The following SULT4A1 variants were observed in gnomAD, a reference collection of about 807,000 sequenced individuals.
SULT4A1 encodes sulfotransferase family 4A member 1, also known as sulfotransferase 4A1.
A neutral mutation model predicts 35.2 loss-of-function variants in SULT4A1; 11 were observed. The observed-to-expected ratio is 0.31, with a 90% confidence interval of 0.20 to 0.52. The LOEUF is 0.52. Among genes scored for constraint, SULT4A1 ranks in the 20% least tolerant of loss-of-function variants. The probability of loss-of-function intolerance (pLI) is 0.97; values close to 1 mark genes in which losing one functional copy is unlikely to be tolerated. For synonymous variants in SULT4A1, 152 were observed against 151.8 expected (o/e 1.00, Z -0.01); for missense variants, 271 against 383.7 (o/e 0.71, Z 2.45).
At chr22:43,846,139 C>T (rs1285486460) in intron 1 of SULT4A1, among the ~76,000 whole-genome samples, 1 of 152,224 alleles carries the variant, frequency 6.6e-6, no homozygotes, top group Non-Finnish European at 1.5e-5. Flanking sequence ...CTCCCCTGAG[C>T]TCCCTCCAGC....
At chr22:43,860,972 T>G (rs946192293) in intron 1 of SULT4A1, among the ~76,000 whole-genome samples, 1 of 151,980 alleles carries the variant, frequency 6.6e-6, no homozygotes, top group African/African-American at 2.4e-5. Context: ...GAAAAAAAGG[T>G]GTAAGAGTCC....
intron 1 of SULT4A1, among the ~76,000 whole-genome samples, chr22:43,853,150 C>A (rs1292112874): frequency 6.6e-6 from 1 of 151,880 alleles, no homozygotes; most frequent in Non-Finnish European, 1.5e-5. Context: ...TCACTCCACA[C>A]ACAAACACAC....
At chr22:43,830,710 A>T (rs2063319173) in intron 5 of SULT4A1, among the ~76,000 whole-genome samples, 1 of 152,180 alleles carries the variant, frequency 6.6e-6, no homozygotes, top group Non-Finnish European at 1.5e-5. Context: ...ATGAAGTGGG[A>T]ATATACCCGG....
chr22:43,862,072 G>C (rs2049476939), intron 1 of SULT4A1, 142 bp downstream of exon 1: 1 of 319,860 alleles, frequency 3.1e-6, no homozygotes, highest in East Asian at 7.2e-5. Flanking sequence ...CCGAGCATCG[G>C]GAGAGCGGTG....
At chr22:43,859,360 A>C (rs1477089314) in intron 1 of SULT4A1, among the ~76,000 whole-genome samples, 3 of 152,264 alleles carry the variant, frequency 2.0e-5, no homozygotes, top group Admixed American at 6.5e-5. Flanking sequence ...ATCAGTGAGA[A>C]TGCGCACACA....
chr22:43,841,733 A>T (rs2063431131), intron 2 of SULT4A1, 69 bp downstream of exon 2: 2 of 1,563,434 alleles, frequency 1.3e-6, no homozygotes, highest in East Asian at 4.5e-5. Flanking sequence ...AGCAACTGTC[A>T]ATCATCAGGG....
intron 3 of SULT4A1, 63 bp from the exon 4 acceptor site, chr22:43,839,056 CACAGG>C: frequency 1.3e-6 from 2 of 1,595,230 alleles, no homozygotes; most frequent in South Asian, 2.2e-5. Flanking sequence ...GCTGCCCCGA[CACAGG>C]CCAGCCTCCC....
chr22:43,855,593 G>A (rs1435125225), intron 1 of SULT4A1, among the ~76,000 whole-genome samples: 1 of 152,110 alleles, frequency 6.6e-6, no homozygotes, highest in Non-Finnish European at 1.5e-5. Flanking sequence ...ACCTCTCAAT[G>A]GGCCCTCCAC....
chr22:43,829,429 G>A lies in SULT4A1; in HGVS notation c.604-231C>T, dbSNP rs190859037. Reference sequence around the variant, plus strand: ...TGAATTCAAACCCTGGTCCTCCAGGGAATTGGGTTGCAGACATGAGGTCTT... The same window carrying A: ...TGAATTCAAACCCTGGTCCTCCAGGAAATTGGGTTGCAGACATGAGGTCTT... On this transcript the variant is annotated intron_variant, in intron 5 of 6. Coordinates refer to ENST00000330884, the MANE Select transcript of SULT4A1 (RefSeq NM_014351.4). 7.2e-5 allele frequency among the ~76,000 whole-genome samples: 11 copies of A among 152,334 alleles called. 1 individual carries two copies. The highest frequency in any genetic ancestry group is 5.9e-4 in the Admixed American group (9 of 15,312).
chr22:43,858,049 C>CAA (rs11362056), intron 1 of SULT4A1, among the ~76,000 whole-genome samples: 14,362 of 91,364 alleles, frequency 0.16, 1,367 homozygotes, highest in African/African-American at 0.25. Flanking sequence ...GATCCTGTCT[C>CAA]AAAAAAAAAA....
Position 43,827,481 on chromosome 22 carries a change from G to C in SULT4A1, c.743-1368C>G, listed in dbSNP as rs1181640178. On this transcript the variant is annotated intron_variant, in intron 6 of 6. Transcript: ENST00000330884. Reference sequence around the variant, plus strand: ...TTCCATGATTATTTTTCTCAGCTGAGACAGCTGAGAGCTCGTCAGAGGAGT... The same window carrying C: ...TTCCATGATTATTTTTCTCAGCTGACACAGCTGAGAGCTCGTCAGAGGAGT... 4.0e-5 allele frequency: 51 copies of C among 1,281,372 alleles called. 1 individual carries two copies. In the South Asian group the frequency reaches 6.1e-4, roughly 15 times the overall value. 79.4% of individuals were successfully genotyped at this position (1,281,372 alleles called of 1,614,324 possible).
rs763559940 is a variant in SULT4A1, at chr22:43,862,224, G to A, written c.159C>T (p.Tyr53=). 3 of 1,558,888 alleles carry A rather than the reference G, an allele frequency of 1.9e-6. No individual in the cohort carries two copies. The highest frequency in any genetic ancestry group is 5.2e-5 in the East Asian group (2 of 38,758). ...CGGCGCGGGGCTCACCGGACTTGGGGTAGGTGACGATCCACACGTCGCTGG... is the reference window on the plus strand; with the variant it reads ...CGGCGCGGGGCTCACCGGACTTGGGATAGGTGACGATCCACACGTCGCTGG... ...VRPSDVWIVT[Y]PKSGTSLLQE... The change falls in exon 1 of 7, where the codon TAC becomes TAT. Residue 53 remains tyrosine (Y), a synonymous_variant. Coordinates refer to ENST00000330884, the MANE Select transcript of SULT4A1 (RefSeq NM_014351.4).
intron 4 of SULT4A1, 117 bp downstream of exon 4, chr22:43,838,750 C>A: frequency 7.0e-7 from 1 of 1,427,522 alleles, no homozygotes; most frequent in South Asian, 1.3e-5. Context: ...GCGGGCCTGA[C>A]CTACATGGTC....
intron 4 of SULT4A1, among the ~76,000 whole-genome samples, chr22:43,837,422 C>T (rs1204762437): frequency 6.6e-6 from 1 of 152,192 alleles, no homozygotes; most frequent in Non-Finnish European, 1.5e-5. Context: ...AGAGCAGAGT[C>T]CATGCTGGAC....
chr22:43,851,522 T>G (rs574672016), intron 1 of SULT4A1, among the ~76,000 whole-genome samples: 6 of 152,282 alleles, frequency 3.9e-5, no homozygotes, highest in African/African-American at 1.2e-4. Context: ...GGGAGCAGCC[T>G]TGGTGCTTTC....
At chr22:43,839,524 G>C (rs982424704) in intron 3 of SULT4A1, among the ~76,000 whole-genome samples, 3 of 152,196 alleles carry the variant, frequency 2.0e-5, no homozygotes, top group African/African-American at 7.2e-5. Context: ...AACCAGGGAG[G>C]CAGAGGTTGC....
In SULT4A1 at chr22:43,827,335, T is replaced by C. The variant is rs77919836; in HGVS notation, c.743-1222A>G. The C allele has an allele frequency of 4.5e-4, 447 of 985,464 alleles. 4 individuals carry two copies. In the African/African-American group the frequency reaches 7.4e-3, roughly 16 times the overall value. 61.0% of individuals were successfully genotyped at this position (985,464 alleles called of 1,614,324 possible). ...CTAAAATACCCAACGTAACACGGAC[T>C]TTCTCTTTGGTAACAAAAAATTATC... On this transcript the variant is annotated intron_variant, in intron 6 of 6. Coordinates refer to ENST00000330884, the MANE Select transcript of SULT4A1 (RefSeq NM_014351.4).
chr22:43,840,837 C>A (rs1421792144), intron 2 of SULT4A1, among the ~76,000 whole-genome samples: 1 of 152,226 alleles, frequency 6.6e-6, no homozygotes, highest in Admixed American at 6.5e-5. Flanking sequence ...CCCAGGCTTG[C>A]CTACTGCTCT....
intron 2 of SULT4A1, among the ~76,000 whole-genome samples, chr22:43,840,655 C>A (rs2063419675): frequency 6.6e-6 from 1 of 152,194 alleles, no homozygotes. Context: ...AGCAACCTGG[C>A]CTGATGCGCT....
Sources: allele counts gnomAD v4.1 joint callset (sites outside exome capture counted in the v4.1 genomes callset), GRCh38; gene constraint gnomAD v4.1.1; transcripts MANE v1.5; gene names NCBI Gene and HGNC (gene_info 2026-07-23, HGNC 2026-07-21).